Variants in PTGES3 observed in about 807,000 individuals in gnomAD.
PTGES3 encodes the protein Hsp90 co-chaperone.
A neutral mutation model predicts 29.9 loss-of-function variants in PTGES3; 5 were observed. The observed-to-expected ratio is 0.17, with a 90% confidence interval of 0.09 to 0.35. PTGES3 has a LOEUF of 0.35. Ranked by LOEUF, PTGES3 falls within the 10% of genes least tolerant of loss-of-function variation. The pLI is 1.00. For synonymous variants in PTGES3, 49 were observed against 57.8 expected (o/e 0.85, Z 0.69); for missense variants, 128 against 190.0 (o/e 0.67, Z 1.92).
At chr12:56,685,854 G>A (rs1952819940) in intron 1 of PTGES3, among the ~76,000 whole-genome samples, 1 of 133,756 alleles carries the variant, frequency 7.5e-6, no homozygotes, top group East Asian at 2.2e-4. Flanking sequence ...TCTGCTCACT[G>A]AAACCTTCAC....
Position 56,663,671 on chromosome 12 carries a change from G to A in PTGES3, c.*808C>T, listed in dbSNP as rs943392650. On this transcript the variant is annotated 3_prime_UTR_variant, in exon 8 of 8. Coordinates refer to ENST00000262033, the MANE Select transcript of PTGES3 (RefSeq NM_006601.7). ...CCCACTGTCATGAACATAAATTGAG[G>A]TTTTCAGCCCGGGTATAAGCTGAAT... 5.9e-5 allele frequency: 9 copies of A among 152,154 alleles called. No individual in the cohort carries two copies. The highest frequency in any genetic ancestry group is 2.2e-4 in the African/African-American group (9 of 41,240). 9.4% of individuals were successfully genotyped at this position (152,154 alleles called of 1,614,324 possible).
At chr12:56,679,281 C>T (rs370844899) in intron 1 of PTGES3, among the ~76,000 whole-genome samples, 6 of 151,906 alleles carry the variant, frequency 3.9e-5, no homozygotes, top group Non-Finnish European at 7.4e-5. Context: ...TGGTAGCATA[C>T]CTGTAATCCC....
chr12:56,685,394 CTTTTCTTTTTTTTTTT>C (rs1015932893), intron 1 of PTGES3, among the ~76,000 whole-genome samples: 6 of 96,912 alleles, frequency 6.2e-5, no homozygotes, highest in African/African-American at 2.2e-4. Context: ...AGCATTTTTT[CTTTTCTTTTTTTTTTT>C]TTTTTTTTTT....
intron 1 of PTGES3, chr12:56,687,132 C>T: frequency 1.2e-6 from 1 of 841,936 alleles, no homozygotes; most frequent in Non-Finnish European, 1.5e-6. Flanking sequence ...TGAAGACTGC[C>T]ATAGAATCTG....
chr12:56,674,237 A>G (rs1952126617), intron 1 of PTGES3, among the ~76,000 whole-genome samples: 1 of 152,216 alleles, frequency 6.6e-6, no homozygotes, highest in South Asian at 2.1e-4. Flanking sequence ...TAAAGAGATT[A>G]GCACAGAGGG....
At chr12:56,668,443 A>G (rs1224510923) in intron 5 of PTGES3, among the ~76,000 whole-genome samples, 3 of 152,178 alleles carry the variant, frequency 2.0e-5, no homozygotes, top group African/African-American at 7.2e-5. Context: ...CAAAAAACAA[A>G]AACAGTGTTA....
Position 56,677,248 on chromosome 12 carries a change from C to CA in PTGES3, c.3-4184dup, listed in dbSNP as rs35136696. 9.8e-3 allele frequency among the ~76,000 whole-genome samples: 1,073 copies of CA among 109,948 alleles called. 13 individuals carry two copies. Among genetic ancestry groups the CA allele is most frequent in the South Asian group, 0.048 (168 of 3,468 alleles). The allele number at this position is 109,948 out of a possible 152,430, so 72.1% of individuals were successfully genotyped here. The stretch of plus-strand genomic sequence containing the variant: ...AGTGAGACTCCTTCTCCGCACCACC[C>CA]AAAAAAAAAAAAAAAAGTGCTACAT... On this transcript the variant is annotated intron_variant, in intron 1 of 7. Transcript: ENST00000262033.
At chr12:56,679,033 G>C (rs12301171) in intron 1 of PTGES3, among the ~76,000 whole-genome samples, 1,869 of 152,250 alleles carry the variant, frequency 0.012, 24 homozygotes, top group African/African-American at 0.042. Context: ...TGGGAGAATT[G>C]CTTGAGACAA....
intron 1 of PTGES3, among the ~76,000 whole-genome samples, chr12:56,683,120 C>T (rs1952630926): frequency 6.6e-6 from 1 of 151,926 alleles, no homozygotes; most frequent in African/African-American, 2.4e-5. Flanking sequence ...GAGTCTGAGG[C>T]GCGTGGATCA....
rs1187650153 is a variant in PTGES3 at position 56,665,195 on chromosome 12, C to T, written c.439-395G>A. The T allele has an allele frequency of 1.0e-5, 10 of 984,886 alleles. No individual in the cohort carries two copies. In the African/African-American group the frequency reaches 1.6e-4, roughly 16 times the overall value. 61.0% of individuals were successfully genotyped at this position (984,886 alleles called of 1,614,324 possible). ...TTTCTAAATAGCATTAAATAACTTT[C>T]TGGGAGATGTTAACAGGATGCTGGG... On this transcript the variant is annotated intron_variant, in intron 6 of 7. Coordinates refer to ENST00000262033, the MANE Select transcript of PTGES3 (RefSeq NM_006601.7).
rs1440644886 is a variant in PTGES3, at chr12:56,685,391, TTTCTTTTC to T, written c.2+2599_2+2606del. Among the ~76,000 whole-genome samples the T allele has an allele frequency of 2.6e-5, 3 of 113,566 alleles. 1 individual carries two copies. The highest frequency in any genetic ancestry group is 9.1e-3 in the Middle Eastern group (2 of 220). 74.5% of individuals were successfully genotyped at this position (113,566 alleles called of 152,430 possible). A position where few individuals can be genotyped will look rare whatever the true frequency, so the allele number is the denominator to read the frequency against. On this transcript the variant is annotated intron_variant, in intron 1 of 7. Transcript: ENST00000262033. ...ATCACTCGTTTTGAAGGTAGCATTT[TTTCTTTTC>T]TTTTTTTTTTTTTTTTTTTTTAAGA...
At position 56,664,156 on chromosome 12, in the gene PTGES3, T is replaced by C. The variant is rs1951708086; in HGVS notation, c.*323A>G. On this transcript the variant is annotated 3_prime_UTR_variant, in exon 8 of 8. Coordinates refer to ENST00000262033, the MANE Select transcript of PTGES3 (RefSeq NM_006601.7). ...TCCTATCATGTCAGTATCTATGTTA[T>C]GAAGAAAAGGAGACTTAGGTGAGAT... is the stretch of plus-strand genomic sequence containing the variant. 8.8e-6 allele frequency: 2 copies of C among 227,506 alleles called. No individual in the cohort carries two copies. The highest frequency in any genetic ancestry group is 6.3e-5 in the South Asian group (1 of 15,910). The allele number at this position is 227,506 out of a possible 1,614,324, so 14.1% of individuals were successfully genotyped here. A position where few individuals can be genotyped will look rare whatever the true frequency, so the allele number is the denominator to read the frequency against.
chr12:56,674,140 A>T (rs57243349), intron 1 of PTGES3, among the ~76,000 whole-genome samples: 1,894 of 152,292 alleles, frequency 0.012, 43 homozygotes, highest in African/African-American at 0.044. Flanking sequence ...TAAGAATGGG[A>T]TTGTATTTGG....
At chr12:56,684,492 G>A (rs1246579052) in intron 1 of PTGES3, among the ~76,000 whole-genome samples, 2 of 152,124 alleles carry the variant, frequency 1.3e-5, no homozygotes, top group Non-Finnish European at 2.9e-5. Flanking sequence ...GGCTAAAGAT[G>A]GACAATTTTA....
At position 56,680,829 on chromosome 12, in the gene PTGES3, A is replaced by G. The variant is rs1282952606; in HGVS notation, c.2+7169T>C. On this transcript the variant is annotated intron_variant, in intron 1 of 7. Transcript: ENST00000262033. Reference sequence around the variant, plus strand: ...GTTCTTGCTTTGTCATTCAGGCTGGAGTGCTGTGGCGTGATCTCAGCTCAC... The same window carrying G: ...GTTCTTGCTTTGTCATTCAGGCTGGGGTGCTGTGGCGTGATCTCAGCTCAC... Among the ~76,000 whole-genome samples the G allele has an allele frequency of 2.0e-5, 3 of 149,294 alleles. No homozygotes were observed. The East Asian group carries it at 5.9e-4, about 29-fold the overall frequency.
intron 1 of PTGES3, among the ~76,000 whole-genome samples, chr12:56,676,145 G>GGAGGCGGAGGT (rs1365212616): frequency 7.2e-6 from 1 of 138,338 alleles, no homozygotes; most frequent in African/African-American, 2.8e-5. Flanking sequence ...GAGGGGGAGG[G>GGAGGCGGAGGT]GGAGGTGGAG....
rs111646663 is a variant in PTGES3, at chr12:56,687,225, C to T, written c.2+773G>A. On this transcript the variant is annotated intron_variant, in intron 1 of 7. Coordinates refer to ENST00000262033, the MANE Select transcript of PTGES3 (RefSeq NM_006601.7). Reference sequence around the variant, plus strand: ...TACTACATACCTATTTCATCCTACACTGTAACAAGATAGTGAAACCTCACC... The same window carrying T: ...TACTACATACCTATTTCATCCTACATTGTAACAAGATAGTGAAACCTCACC... 6.6e-4 allele frequency: 678 copies of T among 1,034,434 alleles called. 5 individuals carry two copies. In the African/African-American group the frequency reaches 0.011, roughly 16 times the overall value. The allele number at this position is 1,034,434 out of a possible 1,614,324, so 64.1% of individuals were successfully genotyped here.
intron 2 of PTGES3, 65 bp downstream of exon 2, chr12:56,672,887 C>A: frequency 6.5e-7 from 1 of 1,547,578 alleles, no homozygotes; most frequent in Non-Finnish European, 8.7e-7. Context: ...AAAAGACAAG[C>A]CAGTCAAAGT....
chr12:56,685,770 C>CTT (rs9325161), intron 1 of PTGES3, among the ~76,000 whole-genome samples: 45 of 71,886 alleles, frequency 6.3e-4, no homozygotes, highest in East Asian at 6.0e-3. Context: ...GCTACACTTA[C>CTT]TTTTTTTTTT....
Sources: allele counts gnomAD v4.1 joint callset (sites outside exome capture counted in the v4.1 genomes callset), GRCh38; gene constraint gnomAD v4.1.1; transcripts MANE v1.5; gene names NCBI Gene and HGNC (gene_info 2026-07-23, HGNC 2026-07-21).